The following MMEL1 variants were observed in gnomAD, a reference collection of about 807,000 sequenced individuals.
MMEL1 encodes membrane metallo-endopeptidase-like 1.
In MMEL1, 98 loss-of-function variants were observed where a neutral mutation model predicts 117.1. The ratio of observed to expected loss-of-function variants is 0.84; its 90% CI spans 0.71 to 0.99. The LOEUF (loss-of-function observed/expected upper bound fraction) is 0.99, where lower values mean the gene tolerates loss of function less well. MMEL1 is among the 50% of genes least tolerant of loss of function. The probability of loss-of-function intolerance (pLI) is 0.00; values close to 1 mark genes in which losing one functional copy is unlikely to be tolerated. For synonymous variants in MMEL1, 390 were observed against 415.1 expected (o/e 0.94, Z 0.74); for missense variants, 1,014 against 1,049.1 (o/e 0.97, Z 0.46).
intron 2 of MMEL1, among the ~76,000 whole-genome samples, chr1:2,617,970 T>C (rs961330852): frequency 1.3e-5 from 2 of 152,280 alleles, no homozygotes; most frequent in African/African-American, 4.8e-5. Context: ...GAATAACTTC[T>C]GTAATATGCC....
intron 2 of MMEL1, 66 bp downstream of exon 2, chr1:2,629,265 A>T (rs1305153774): frequency 6.8e-7 from 1 of 1,461,146 alleles, no homozygotes; most frequent in East Asian, 2.7e-5. Context: ...ACCCTGCAGC[A>T]GGTGCAGCGG....
At position 2,611,291 on chromosome 1, in the gene MMEL1, G is replaced by A. The variant is rs1645123226; in HGVS notation, c.282C>T (p.Cys94=). The part of the protein sequence containing the change: ...EVSEVCTTPG[C]VIAAARILQN... ...GGGGGCGGGGCTTACCTGCTATCAC[G>A]CAGCCAGGGGTGGTGCAGACCTCGC... is the stretch of plus-strand genomic sequence containing the variant. The change falls in exon 4 of 24, where the codon TGC becomes TGT. Residue 94 remains cysteine, a synonymous_variant. Transcript: ENST00000378412. The A allele has an allele frequency of 6.3e-7, 1 of 1,578,316 alleles. No homozygotes were observed. The highest frequency in any genetic ancestry group is 8.6e-7 in the Non-Finnish European group (1 of 1,163,900).
Position 2,609,764 on chromosome 1 carries a change from G to A in MMEL1, c.360C>T (p.Cys120=), listed in dbSNP as rs144182283. 1.4e-5 allele frequency: 22 copies of A among 1,613,868 alleles called. No individual in the cohort carries two copies. Among genetic ancestry groups the A allele is most frequent in the Admixed American group, 5.0e-5 (3 of 60,008 alleles). The change falls in exon 5 of 24, where the codon TGC becomes TGT. Residue 120 remains cysteine, a synonymous_variant. Coordinates refer to ENST00000378412, the MANE Select transcript of MMEL1 (RefSeq NM_033467.4). ...TCACGTGGCGCCGCAGCCAGCCTCC[G>A]CATGCAAACTGGTAGAAGTCGTCAC... ...EPCDDFYQFA[C]GGWLRRHVIP... is the part of the protein sequence containing the mutation.
Position 2,590,912 on chromosome 1 carries a change from T to A in MMEL1, c.*78A>T. ...TGGCCGGGGCGGGACGTACACTGGG[T>A]CGCCGCTAGCTGCACCTTCGCACAG... On this transcript the variant is annotated 3_prime_UTR_variant, in exon 24 of 24. Transcript: ENST00000378412. 1.7e-6 allele frequency: 2 copies of A among 1,155,838 alleles called. No homozygotes were observed. The highest frequency in any genetic ancestry group is 4.5e-5 in the South Asian group (2 of 44,314). The allele number at this position is 1,155,838 out of a possible 1,614,324, so 71.6% of individuals were successfully genotyped here. A position where few individuals can be genotyped will look rare whatever the true frequency, so the allele number is the denominator to read the frequency against.
In MMEL1 at chr1:2,592,878, G is replaced by C; in HGVS notation, c.1956C>G (p.Ile652Met). The C allele has an allele frequency of 6.2e-7, 1 of 1,613,812 alleles. No individual in the cohort carries two copies. ...QHFREQSECM[I>M]YQYGNYSWDL... Reference sequence around the variant, plus strand: ...CCCAGGAGTAGTTGCCGTACTGGTAGATCATGCACTCTGACTGCTCCCGGA... The same window carrying C: ...CCCAGGAGTAGTTGCCGTACTGGTACATCATGCACTCTGACTGCTCCCGGA... The change falls in exon 20 of 24, where the codon ATC becomes ATG. Residue 652 changes from isoleucine (I) to methionine (M), a missense_variant. Ile to Met is a conservative substitution (Grantham distance 10, BLOSUM62 1). Coordinates refer to ENST00000378412, the MANE Select transcript of MMEL1 (RefSeq NM_033467.4).
rs757376342 is a variant in MMEL1 at position 2,611,285 on chromosome 1, T to C, written c.288A>G (p.Ile96Met). ...CGGCAAGGGGGCGGGGCTTACCTGC[T>C]ATCACGCAGCCAGGGGTGGTGCAGA... is the stretch of plus-strand genomic sequence containing the variant. The part of the protein sequence containing the change: ...SEVCTTPGCV[I>M]AAARILQNMD... The change falls in exon 4 of 24, where the codon ATA (isoleucine) becomes ATG (methionine). Residue 96 changes from isoleucine to methionine, a missense_variant. Physicochemically the swap from Ile to Met is conservative, Grantham distance 10. Coordinates refer to ENST00000378412, the MANE Select transcript of MMEL1 (RefSeq NM_033467.4). 26 of 1,579,242 alleles carry C rather than the reference T, an allele frequency of 1.6e-5. No homozygotes were observed. The highest frequency in any genetic ancestry group is 2.2e-5 in the Non-Finnish European group (26 of 1,164,388).
intron 23 of MMEL1, 41 bp downstream of exon 23, chr1:2,591,516 G>T: frequency 6.6e-7 from 1 of 1,521,542 alleles, no homozygotes; most frequent in Non-Finnish European, 9.1e-7. Flanking sequence ...GGGGTGAGGG[G>T]GTTGTGGGTG....
chr1:2,603,323 G>A (rs1644964965), intron 11 of MMEL1, among the ~76,000 whole-genome samples: 2 of 152,250 alleles, frequency 1.3e-5, no homozygotes, highest in South Asian at 4.1e-4. Flanking sequence ...GAGAAGGCCA[G>A]CTGCTCCAGC....
chr1:2,593,946 G>A lies in MMEL1; in HGVS notation c.1748-13C>T. 3 of 1,589,096 alleles carry A rather than the reference G, an allele frequency of 1.9e-6. No homozygotes were observed. The highest frequency in any genetic ancestry group is 2.6e-6 in the Non-Finnish European group (3 of 1,167,618). On this transcript the variant is annotated splice_polypyrimidine_tract_variant and intron_variant, in intron 18 of 23. Coordinates refer to ENST00000378412, the MANE Select transcript of MMEL1 (RefSeq NM_033467.4). The stretch of plus-strand genomic sequence containing the variant: ...CCGGCAGGGAATACTGTCCCCAAGG[G>A]CGGGACAAAGAATAAGCTGTGAGTG...
At chr1:2,608,583 CAT>C (rs916166855) in intron 6 of MMEL1, among the ~76,000 whole-genome samples, 30 of 151,954 alleles carry the variant, frequency 2.0e-4, no homozygotes, top group African/African-American at 7.0e-4. Flanking sequence ...ACACACAGCA[CAT>C]ATATATACAG....
intron 19 of MMEL1, among the ~76,000 whole-genome samples, chr1:2,593,470 T>C (rs1644777854): frequency 6.6e-6 from 1 of 152,134 alleles, no homozygotes; most frequent in Non-Finnish European, 1.5e-5. Context: ...ATGCTGGCCG[T>C]CTGGAGAGTC....
intron 19 of MMEL1, among the ~76,000 whole-genome samples, chr1:2,593,521 T>C (rs961052799): frequency 6.6e-6 from 1 of 152,096 alleles, no homozygotes; most frequent in Non-Finnish European, 1.5e-5. Context: ...TATTGGGCAG[T>C]GTTGTCGTCC....
Position 2,611,540 on chromosome 1 carries a change from G to GGGGGT in MMEL1, c.233-205_233-201dup, listed in dbSNP as rs536087417. ...CAGGGTAACCAAAGCATAGTCTGGT[G>GGGGGT]GGGGTGGGGTGTGGCCCTCCACCCC... On this transcript the variant is annotated intron_variant, in intron 3 of 23. Coordinates refer to ENST00000378412, the MANE Select transcript of MMEL1 (RefSeq NM_033467.4). 1.5e-3 allele frequency: 782 copies of GGGGGT among 520,266 alleles called. 3 individuals carry two copies. Among genetic ancestry groups the GGGGGT allele is most frequent in the East Asian group, 6.0e-3 (181 of 29,970 alleles). The allele number at this position is 520,266 out of a possible 1,614,324, so 32.2% of individuals were successfully genotyped here.
intron 7 of MMEL1, 69 bp downstream of exon 7, chr1:2,606,905 A>G (rs111654423): frequency 0.025 from 35,928 of 1,432,016 alleles, 1,169 homozygotes; most frequent in African/African-American, 0.15. Flanking sequence ...GGAAGGCCTC[A>G]GACCGAAGGA....
chr1:2,631,005 G>A (rs1011373199), intron 1 of MMEL1, among the ~76,000 whole-genome samples: 1 of 151,928 alleles, frequency 6.6e-6, no homozygotes, highest in Admixed American at 6.5e-5. Context: ...ACCTGTGCGT[G>A]TGCGCTCATG....
At chr1:2,624,748 C>T (rs1321927712) in intron 2 of MMEL1, among the ~76,000 whole-genome samples, 1 of 152,186 alleles carries the variant, frequency 6.6e-6, no homozygotes, top group South Asian at 2.1e-4. Flanking sequence ...CTACTTGTAT[C>T]GTCCATTATC....
chr1:2,606,872 G>T, intron 7 of MMEL1, 102 bp downstream of exon 7: 1 of 1,053,642 alleles, frequency 9.5e-7, no homozygotes, highest in Non-Finnish European at 1.4e-6. Flanking sequence ...AGCCAGCTGG[G>T]GGTGGGGGTG....
intron 2 of MMEL1, among the ~76,000 whole-genome samples, chr1:2,622,306 G>A (rs546909457): frequency 1.3e-5 from 2 of 152,180 alleles, no homozygotes; most frequent in African/African-American, 4.8e-5. Flanking sequence ...GGGTCTTGCT[G>A]AAATACCAAC....
chr1:2,613,049 C>T (rs886101450), intron 2 of MMEL1, among the ~76,000 whole-genome samples: 48 of 152,342 alleles, frequency 3.2e-4, no homozygotes, highest in African/African-American at 1.1e-3. Flanking sequence ...ACAAAAATAT[C>T]AGCTCCTTGG....
Sources: gnomAD v4.1 joint callset for allele counts (sites outside exome capture counted in the v4.1 genomes callset) on GRCh38, gnomAD v4.1.1 for gene constraint, MANE v1.5 for transcripts, NCBI Gene and HGNC (gene_info 2026-07-23, HGNC 2026-07-21) for gene names.